ABCA13: variants seen among roughly 807,000 people sequenced by gnomAD.
ABCA13 encodes the protein ATP binding cassette subfamily A member 13, also known as ATP-binding cassette sub-family A member 13.
A neutral mutation model predicts 478.7 loss-of-function variants in ABCA13; 476 were observed. That is an observed-to-expected ratio of 0.99 (90% CI 0.92 to 1.07). The LOEUF (loss-of-function observed/expected upper bound fraction) is 1.07. Among genes scored for constraint, ABCA13 ranks in the 50% least tolerant of loss-of-function variants. ABCA13 has a pLI of 0.00. For missense variants in ABCA13, 6,060 were observed against 5,910.6 expected, an observed-to-expected ratio of 1.03 and a Z score of -0.83; for synonymous variants, 2,252 against 2,158.9, an observed-to-expected ratio of 1.04 and a Z score of -1.20.
intron 44 of ABCA13, 56 bp downstream of exon 44, chr7:48,467,101 C>A: frequency 6.7e-7 from 1 of 1,482,108 alleles, no homozygotes; most frequent in Non-Finnish European, 9.4e-7. Context: ...AATATTGTAG[C>A]CTGGGAGGAC....
chr7:48,641,832 A>T (rs1177293710), intron 59 of ABCA13, among the ~76,000 whole-genome samples: 1 of 152,140 alleles, frequency 6.6e-6, no homozygotes. Flanking sequence ...TGAAACGTGG[A>T]CATATAGACC....
chr7:48,587,423 C>A, intron 57 of ABCA13, 135 bp downstream of exon 57: 2 of 1,017,354 alleles, frequency 2.0e-6, no homozygotes, highest in Non-Finnish European at 2.7e-6. Context: ...AACTGTTTTG[C>A]CATAAGCCAG....
At chr7:48,239,469 T>A in intron 9 of ABCA13, 64 bp downstream of exon 9, 1 of 1,497,718 alleles carries the variant, frequency 6.7e-7, no homozygotes, top group Non-Finnish European at 8.9e-7. Context: ...AAATCCATTC[T>A]CCTCCCCTGC....
At position 48,181,090 on chromosome 7, in the gene ABCA13, C is replaced by A. The variant is rs1583997250; in HGVS notation, c.69+9538C>A. On this transcript the variant is annotated intron_variant, in intron 1 of 61. Coordinates refer to ENST00000435803, the MANE Select transcript of ABCA13 (RefSeq NM_152701.5). ...TGGCTGGCGTCTGATCAGAAGGGAC[C>A]CGCAGTTCCTGTAAAGCCAGTTGAT... 2.6e-5 allele frequency among the ~76,000 whole-genome samples: 4 copies of A among 152,240 alleles called. No homozygotes were observed. The South Asian group carries it at 8.3e-4, about 32-fold the overall frequency.
intron 31 of ABCA13, among the ~76,000 whole-genome samples, chr7:48,362,913 G>A (rs987995694): frequency 2.0e-5 from 3 of 152,040 alleles, no homozygotes; most frequent in African/African-American, 7.2e-5. Flanking sequence ...AGTTTGGCAT[G>A]CACCAACTTT....
At chr7:48,600,408 C>T (rs1436114465) in intron 58 of ABCA13, among the ~76,000 whole-genome samples, 4 of 151,778 alleles carry the variant, frequency 2.6e-5, no homozygotes, top group African/African-American at 9.7e-5. Context: ...TAAACTGTCC[C>T]ACATTTAATG....
intron 45 of ABCA13, among the ~76,000 whole-genome samples, chr7:48,479,037 T>G (rs894653014): frequency 6.7e-6 from 1 of 148,262 alleles, no homozygotes; most frequent in African/African-American, 2.5e-5. Context: ...AAGCTCCGCC[T>G]CCTGGGTTCA....
intron 16 of ABCA13, among the ~76,000 whole-genome samples, chr7:48,270,203 C>T (rs1232316880): frequency 2.6e-5 from 4 of 151,912 alleles, no homozygotes; most frequent in Admixed American, 2.0e-4. Flanking sequence ...AAACCTGGGT[C>T]GTCTCCTAGT....
chr7:48,171,802 A>G (rs1283584785), intron 1 of ABCA13, among the ~76,000 whole-genome samples: 1 of 152,204 alleles, frequency 6.6e-6, no homozygotes, highest in Non-Finnish European at 1.5e-5. Flanking sequence ...AATTCTAAAA[A>G]CAAACAAACA....
chr7:48,541,506 T>C (rs939155429), intron 55 of ABCA13, among the ~76,000 whole-genome samples: 6 of 152,110 alleles, frequency 3.9e-5, no homozygotes, highest in African/African-American at 1.4e-4. Context: ...GAGGTTGTTA[T>C]CCTAATTTTA....
At chr7:48,442,588 T>C (rs1232342012) in intron 42 of ABCA13, among the ~76,000 whole-genome samples, 1 of 152,234 alleles carries the variant, frequency 6.6e-6, no homozygotes. Context: ...CTTAGTGTAA[T>C]GTTTAGAATA....
chr7:48,344,978 C>G (rs1256519464), intron 29 of ABCA13, among the ~76,000 whole-genome samples: 1 of 152,164 alleles, frequency 6.6e-6, no homozygotes, highest in Non-Finnish European at 1.5e-5. Flanking sequence ...TTGTGTGGAG[C>G]TGCTTTTCTA....
intron 3 of ABCA13, 22 bp from the exon 4 acceptor site, chr7:48,219,332 G>T (rs1226444617): frequency 6.3e-7 from 1 of 1,575,062 alleles, no homozygotes; most frequent in African/African-American, 1.4e-5. Flanking sequence ...AGTTTCACTT[G>T]CAGTATTTAT....
At chr7:48,381,543 T>C (rs1363668249) in intron 35 of ABCA13, among the ~76,000 whole-genome samples, 1 of 152,192 alleles carries the variant, frequency 6.6e-6, no homozygotes, top group African/African-American at 2.4e-5. Context: ...TTTCCTGGCC[T>C]GCGGGGCTCA....
chr7:48,226,237 T>G (rs572191128), intron 5 of ABCA13, among the ~76,000 whole-genome samples: 1 of 152,182 alleles, frequency 6.6e-6, no homozygotes, highest in African/African-American at 2.4e-5. Flanking sequence ...CAGAGGGGAT[T>G]TGAGGATCAT....
At chr7:48,345,960 T>G (rs1808019140) in intron 29 of ABCA13, among the ~76,000 whole-genome samples, 1 of 152,198 alleles carries the variant, frequency 6.6e-6, no homozygotes, top group Admixed American at 6.5e-5. Context: ...TATGTTTAGA[T>G]ATGTTTAGAT....
At chr7:48,422,237 GT>G (rs5884045) in intron 41 of ABCA13, among the ~76,000 whole-genome samples, 57,367 of 151,196 alleles carry the variant, frequency 0.38, 11,498 homozygotes, top group African/African-American at 0.51. Context: ...AATACATTCA[GT>G]ATTTTGAGGA....
rs185733259 is a variant in ABCA13 at position 48,609,408 on chromosome 7, C to T, written c.14745-5877C>T. Among the ~76,000 whole-genome samples the T allele has an allele frequency of 2.1e-3, 321 of 152,124 alleles. 1 individual carries two copies. The highest frequency in any genetic ancestry group is 7.4e-3 in the African/African-American group (305 of 41,490). On this transcript the variant is annotated intron_variant, in intron 58 of 61. Transcript: ENST00000435803. ...AGAGTGGGGAAGCTTATGATTTATC[C>T]TGTGATTCTAAAATGGCAGACTTTG...
chr7:48,460,675 T>A (rs916516623), intron 43 of ABCA13, among the ~76,000 whole-genome samples: 1 of 152,224 alleles, frequency 6.6e-6, no homozygotes, highest in African/African-American at 2.4e-5. Context: ...TCCTACAACA[T>A]CTTCCTTAAC....
Sources: gnomAD v4.1 joint callset for allele counts (sites outside exome capture counted in the v4.1 genomes callset) on GRCh38, gnomAD v4.1.1 for gene constraint, MANE v1.5 for transcripts, NCBI Gene and HGNC (gene_info 2026-07-23, HGNC 2026-07-21) for gene names.